Variants in NSD1 observed in about 807,000 individuals in gnomAD.
NSD1 encodes nuclear receptor binding SET domain protein 1.
In NSD1, 26 loss-of-function variants were observed where a neutral mutation model predicts 242.7. The observed-to-expected ratio is 0.11, with a 90% confidence interval of 0.08 to 0.15. The LOEUF (loss-of-function observed/expected upper bound fraction) is 0.15, where lower values mean the gene tolerates loss of function less well. Ranked by LOEUF, NSD1 falls within the 10% of genes least tolerant of loss-of-function variation. The probability of loss-of-function intolerance (pLI) is 1.00; values close to 1 mark genes in which losing one functional copy is unlikely to be tolerated. For synonymous variants in NSD1, 1,106 were observed against 1,178.1 expected (o/e 0.94, Z 1.25); for missense variants, 2,495 against 3,272.8 (o/e 0.76, Z 5.80).
intron 19 of NSD1, among the ~76,000 whole-genome samples, chr5:177,283,094 C>T (rs1331968620): frequency 7.9e-5 from 12 of 152,230 alleles, no homozygotes; most frequent in Admixed American, 3.9e-4. Context: ...GCTGGGACTA[C>T]AGGCATCCGC....
intron 2 of NSD1, among the ~76,000 whole-genome samples, chr5:177,139,223 C>T (rs2149761059): frequency 6.6e-6 from 1 of 151,128 alleles, no homozygotes; most frequent in South Asian, 2.1e-4. Context: ...TGCACTCTAG[C>T]CTGGGCAACA....
intron 2 of NSD1, among the ~76,000 whole-genome samples, chr5:177,174,033 G>C (rs1469772556): frequency 6.6e-6 from 1 of 152,034 alleles, no homozygotes; most frequent in African/African-American, 2.4e-5. Flanking sequence ...TATCCTGCTG[G>C]TCAGCATTCC....
rs772907473 is a variant in NSD1, at chr5:177,135,283, T to A, written c.180T>A (p.Ala60=). The change falls in exon 2 of 23, where the codon GCT becomes GCA. Residue 60 remains alanine (A), a synonymous_variant. Coordinates refer to ENST00000439151, the MANE Select transcript of NSD1 (RefSeq NM_022455.5). ...CTGTCAGTGGAACATCCCAAAATGCTTATGGACAAGATTCTCCATCTTGTT... is the reference window on the plus strand; with the variant it reads ...CTGTCAGTGGAACATCCCAAAATGCATATGGACAAGATTCTCCATCTTGTT... ...LSTVSGTSQN[A]YGQDSPSCYI... 4 of 1,613,616 alleles carry A rather than the reference T, an allele frequency of 2.5e-6. No homozygotes were observed. Among genetic ancestry groups the A allele is most frequent in the Non-Finnish European group, 3.4e-6 (4 of 1,179,636 alleles).
chr5:177,164,109 G>C (rs546160102), intron 2 of NSD1, among the ~76,000 whole-genome samples: 1 of 150,448 alleles, frequency 6.6e-6, no homozygotes, highest in East Asian at 1.9e-4. Context: ...AGTGTCATCT[G>C]CAAATCTGTC....
At chr5:177,178,871 CT>C (rs1211272073) in intron 2 of NSD1, among the ~76,000 whole-genome samples, 17 of 152,210 alleles carry the variant, frequency 1.1e-4, no homozygotes, top group African/African-American at 4.1e-4. Context: ...GCTGTTGAGA[CT>C]CTTAGAGTGT....
intron 11 of NSD1, 89 bp downstream of exon 11, chr5:177,248,413 A>G (rs752509194): frequency 3.0e-5 from 44 of 1,469,552 alleles, no homozygotes; most frequent in Non-Finnish European, 3.8e-5. Flanking sequence ...GTTTCTTGGT[A>G]GAATAACAAT....
At chr5:177,214,990 C>A (rs1475122348) in intron 5 of NSD1, among the ~76,000 whole-genome samples, 3 of 151,782 alleles carry the variant, frequency 2.0e-5, no homozygotes, top group African/African-American at 7.2e-5. Context: ...CATGAGCCAC[C>A]ACGCCCTGCC....
intron 5 of NSD1, among the ~76,000 whole-genome samples, chr5:177,224,410 C>G (rs1387826681): frequency 6.6e-6 from 1 of 151,876 alleles, no homozygotes; most frequent in Non-Finnish European, 1.5e-5. Flanking sequence ...GTATTTTAGT[C>G]TTTCTTTGTC....
chr5:177,147,867 G>A (rs1295326385), intron 2 of NSD1, among the ~76,000 whole-genome samples: 1 of 152,132 alleles, frequency 6.6e-6, no homozygotes, highest in East Asian at 1.9e-4. Context: ...TGGGATTACA[G>A]GTGTGAGCCA....
intron 5 of NSD1, among the ~76,000 whole-genome samples, chr5:177,225,702 A>G (rs1764582873): frequency 6.6e-6 from 1 of 152,176 alleles, no homozygotes; most frequent in African/African-American, 2.4e-5. Flanking sequence ...AAAGCAGATG[A>G]TGTCTTTTCC....
chr5:177,138,318 C>T (rs947133117), intron 2 of NSD1, among the ~76,000 whole-genome samples: 59 of 149,966 alleles, frequency 3.9e-4, no homozygotes, highest in African/African-American at 1.4e-3. Context: ...TGTAGTGGCG[C>T]GATCTCAGCT....
At chr5:177,289,570 A>G (rs1384688579) in intron 21 of NSD1, among the ~76,000 whole-genome samples, 1 of 152,088 alleles carries the variant, frequency 6.6e-6, no homozygotes, top group African/African-American at 2.4e-5. Flanking sequence ...GATTCTTGGT[A>G]TATCTGTGTC....
chr5:177,281,333 C>CT (rs11384478), intron 18 of NSD1, among the ~76,000 whole-genome samples: 102,971 of 142,060 alleles, frequency 0.72, 37,597 homozygotes, highest in Non-Finnish European at 0.81. Flanking sequence ...ATTGTATAGT[C>CT]TTTTTTTTTT....
At chr5:177,182,053 G>A (rs1760734715) in intron 2 of NSD1, among the ~76,000 whole-genome samples, 1 of 151,922 alleles carries the variant, frequency 6.6e-6, no homozygotes, top group Admixed American at 6.6e-5. Flanking sequence ...TCGGGAGGCC[G>A]AGGTAGGAGA....
At chr5:177,164,395 G>A (rs972862247) in intron 2 of NSD1, among the ~76,000 whole-genome samples, 21 of 152,086 alleles carry the variant, frequency 1.4e-4, no homozygotes, top group Admixed American at 1.2e-3. Context: ...GACCTCAGGT[G>A]ATCCGCCTGC....
rs1327255120 is a variant in NSD1, at chr5:177,297,629, C to T, written c.*2170C>T. 7 of 197,476 alleles carry T rather than the reference C, an allele frequency of 3.5e-5. No homozygotes were observed. The highest frequency in any genetic ancestry group is 6.3e-5 in the Non-Finnish European group (7 of 110,938). 12.2% of individuals were successfully genotyped at this position (197,476 alleles called of 1,614,324 possible). A position where few individuals can be genotyped will look rare whatever the true frequency, so the allele number is the denominator to read the frequency against. ...TATGTTGTGTGTTAAATTACCGTAG[C>T]TCTTTGTTTCATGAAATAAACTGTG... On this transcript the variant is annotated 3_prime_UTR_variant, in exon 23 of 23. Coordinates refer to ENST00000439151, the MANE Select transcript of NSD1 (RefSeq NM_022455.5).
chr5:177,174,871 CTTTTTT>C (rs377543241), intron 2 of NSD1, among the ~76,000 whole-genome samples: 11 of 89,694 alleles, frequency 1.2e-4, no homozygotes, highest in Admixed American at 1.5e-4. Context: ...CCTTATCTGA[CTTTTTT>C]TTTTTTTTTT....
chr5:177,242,223 A>G (rs1220814495), intron 8 of NSD1, among the ~76,000 whole-genome samples: 1 of 151,450 alleles, frequency 6.6e-6, no homozygotes, highest in East Asian at 1.9e-4. Context: ...CTTTTGGGTA[A>G]CTGTTAAACA....
At chr5:177,137,410 C>T (rs1315627213) in intron 2 of NSD1, 1 of 152,210 alleles carries the variant, frequency 6.6e-6, no homozygotes, top group African/African-American at 2.4e-5. Flanking sequence ...CCTTATATCC[C>T]TGCTGTTCTT....
Sources: allele counts gnomAD v4.1 joint callset (sites outside exome capture counted in the v4.1 genomes callset), GRCh38; gene constraint gnomAD v4.1.1; transcripts MANE v1.5; gene names NCBI Gene and HGNC (gene_info 2026-07-23, HGNC 2026-07-21).